The following KCNMA1 variants were observed in gnomAD, a reference collection of about 807,000 sequenced individuals.
The protein encoded by KCNMA1 is potassium calcium-activated channel subfamily M alpha 1, also known as Calcium-activated potassium channel subunit alpha-1.
A neutral mutation model predicts 140.0 loss-of-function variants in KCNMA1; 29 were observed. The observed-to-expected ratio is 0.21, with a 90% CI of 0.15 to 0.28. The LOEUF (loss-of-function observed/expected upper bound fraction) is 0.28, where lower values mean the gene tolerates loss of function less well. KCNMA1 is among the 10% of genes least tolerant of loss of function. The pLI, the probability that KCNMA1 is intolerant of heterozygous loss-of-function variation, is 1.00. For synonymous variants in KCNMA1, 612 were observed against 611.9 expected (o/e 1.00, Z 0.00); for missense variants, 880 against 1,602.2 (o/e 0.55, Z 7.70).
chr10:77,406,119 G>T (rs2096464031), intron 1 of KCNMA1, among the ~76,000 whole-genome samples: 2 of 152,212 alleles, frequency 1.3e-5, no homozygotes, highest in African/African-American at 4.8e-5. Context: ...GCTGACATGT[G>T]TGGGACCTGC....
chr10:77,434,658 T>C (rs1566829567), intron 1 of KCNMA1, among the ~76,000 whole-genome samples: 1 of 152,150 alleles, frequency 6.6e-6, no homozygotes, highest in Non-Finnish European at 1.5e-5. Flanking sequence ...GTGAAATAGA[T>C]GAATACGTCC....
intron 1 of KCNMA1, among the ~76,000 whole-genome samples, chr10:77,611,379 A>C (rs767413196): frequency 1.4e-4 from 21 of 152,230 alleles, no homozygotes; most frequent in Non-Finnish European, 2.8e-4. Flanking sequence ...GACAAGGCCA[A>C]CTGTAAGGAG....
At chr10:77,047,663 G>A (rs1191487944) in intron 14 of KCNMA1, among the ~76,000 whole-genome samples, 1 of 148,248 alleles carries the variant, frequency 6.7e-6, no homozygotes, top group Non-Finnish European at 1.5e-5. Context: ...TAGAAAAGGT[G>A]TTTACACTTA....
chr10:77,291,363 C>A (rs1418879991), intron 2 of KCNMA1, among the ~76,000 whole-genome samples: 10 of 152,140 alleles, frequency 6.6e-5, no homozygotes, highest in African/African-American at 2.4e-4. Context: ...ATTCAACTCT[C>A]ATGCAAAACT....
chr10:77,003,276 G>A (rs1453139610), intron 18 of KCNMA1, among the ~76,000 whole-genome samples: 2 of 151,394 alleles, frequency 1.3e-5, no homozygotes, highest in East Asian at 3.9e-4. Context: ...GTTCAATGGT[G>A]GTATATCATT....
rs762874197 is a variant in KCNMA1, at chr10:76,953,789, T to A, written c.2484+12A>T. On this transcript the variant is annotated intron_variant, in intron 21 of 27. Transcript: ENST00000286628. ...GAAGCGGGCAACATCAGATGCACAG[T>A]CCCTCACTCACCAGGATGACTTTCT... 6.2e-7 allele frequency: 1 copy of A among 1,613,888 alleles called. No individual in the cohort carries two copies.
chr10:77,387,598 TTTTCTTTTC>T (rs2095658258), intron 2 of KCNMA1, among the ~76,000 whole-genome samples: 1 of 150,642 alleles, frequency 6.6e-6, no homozygotes, highest in Admixed American at 6.6e-5. Flanking sequence ...TTTTCTTTTC[TTTTCTTTTC>T]TTTCTTTTCT....
At chr10:77,063,994 C>A (rs893974964) in intron 14 of KCNMA1, 10 of 985,262 alleles carry the variant, frequency 1.0e-5, no homozygotes, top group Non-Finnish European at 1.2e-5. Context: ...ACTGGATTTT[C>A]GCATTAAGTC....
At chr10:76,985,239 A>G (rs2080921281) in intron 19 of KCNMA1, among the ~76,000 whole-genome samples, 1 of 152,200 alleles carries the variant, frequency 6.6e-6, no homozygotes, top group Non-Finnish European at 1.5e-5. Context: ...TATGTAAAGC[A>G]CTGTAAGTCA....
chr10:77,368,055 A>G (rs1279920094), intron 2 of KCNMA1, among the ~76,000 whole-genome samples: 1 of 152,250 alleles, frequency 6.6e-6, no homozygotes, highest in Non-Finnish European at 1.5e-5. Flanking sequence ...TAGGGTAAAT[A>G]TCTAGACATT....
At chr10:77,590,207 C>T (rs988393323) in intron 1 of KCNMA1, among the ~76,000 whole-genome samples, 1 of 152,270 alleles carries the variant, frequency 6.6e-6, no homozygotes, top group Non-Finnish European at 1.5e-5. Flanking sequence ...CTCAGGAGCC[C>T]AGCTGGCTTC....
At chr10:77,116,676 C>T (rs543705442) in intron 6 of KCNMA1, among the ~76,000 whole-genome samples, 112 of 152,206 alleles carry the variant, frequency 7.4e-4, no homozygotes, top group African/African-American at 2.4e-3. Context: ...TCTGCCAATT[C>T]AATCCCTTAA....
At chr10:77,630,823 T>C (rs1456557505) in intron 1 of KCNMA1, among the ~76,000 whole-genome samples, 1 of 151,896 alleles carries the variant, frequency 6.6e-6, no homozygotes, top group Admixed American at 6.6e-5. Context: ...AAAGTTTGAC[T>C]AAGCCAGGCA....
intron 1 of KCNMA1, among the ~76,000 whole-genome samples, chr10:77,615,680 G>A (rs11593652): frequency 0.24 from 36,074 of 151,948 alleles, 4,594 homozygotes; most frequent in Middle Eastern, 0.37. Flanking sequence ...GTGGTATAGG[G>A]GTGTGCCGTG....
At chr10:77,112,341 G>A (rs1286420139) in intron 7 of KCNMA1, 26 bp downstream of exon 7, 2 of 1,562,334 alleles carry the variant, frequency 1.3e-6, no homozygotes, top group Non-Finnish European at 1.8e-6. Context: ...GCAAGCGAGA[G>A]CAGAAGGGTC....
chr10:77,491,997 C>T (rs1403630649), intron 1 of KCNMA1, among the ~76,000 whole-genome samples: 2 of 152,236 alleles, frequency 1.3e-5, no homozygotes, highest in East Asian at 1.9e-4. Context: ...AGGGAATGGG[C>T]GAGCATCTTG....
At chr10:77,255,259 A>G (rs920387905) in intron 2 of KCNMA1, among the ~76,000 whole-genome samples, 2 of 152,188 alleles carry the variant, frequency 1.3e-5, no homozygotes, top group African/African-American at 4.8e-5. Flanking sequence ...ATCAAACAAG[A>G]CATGTGTTTG....
At chr10:77,205,283 G>A (rs762924029) in intron 3 of KCNMA1, among the ~76,000 whole-genome samples, 2 of 152,112 alleles carry the variant, frequency 1.3e-5, no homozygotes, top group African/African-American at 2.4e-5. Flanking sequence ...AACTTGACAC[G>A]AAGCATACTA....
intron 19 of KCNMA1, chr10:76,974,408 A>T: frequency 1.2e-6 from 1 of 848,086 alleles, no homozygotes; most frequent in South Asian, 1.6e-5. Context: ...TCTTCAACTG[A>T]GCTCAGCATG....
Sources: gnomAD v4.1 joint callset for allele counts (sites outside exome capture counted in the v4.1 genomes callset) on GRCh38, gnomAD v4.1.1 for gene constraint, MANE v1.5 for transcripts, NCBI Gene and HGNC (gene_info 2026-07-23, HGNC 2026-07-21) for gene names.